RANBP2: variants seen among roughly 807,000 people sequenced by gnomAD.
RANBP2 encodes RAN binding protein 2, also known as E3 SUMO-protein ligase RanBP2.
Under a neutral mutation model 303.6 loss-of-function variants are expected in RANBP2, and 57 were observed. That is an observed-to-expected ratio of 0.19 (90% confidence interval 0.15 to 0.23). The LOEUF is 0.23. RANBP2 is among the 10% of genes least tolerant of loss of function. The pLI is 1.00. For synonymous variants in RANBP2, 1,167 were observed against 1,301.5 expected, an observed-to-expected ratio of 0.90 and a Z score of 2.23; for missense variants, 3,138 against 3,780.8, an observed-to-expected ratio of 0.83 and a Z score of 4.46.
At chr2:109,615,641 G>A in the RANBP2 span, 9 of 1,613,820 alleles carry the variant, frequency 5.6e-6, no homozygotes, top group Non-Finnish European at 7.6e-6. Context: ...ACCTGAGTCG[G>A]AGCATCGCCG....
the RANBP2 span, among the ~76,000 whole-genome samples, chr2:109,515,099 G>C: frequency 2.6e-5 from 4 of 152,206 alleles, no homozygotes; most frequent in African/African-American, 7.2e-5. Context: ...GCTGGGCATA[G>C]GGTTTACCGC....
chr2:108,856,499 G>A, the RANBP2 span, among the ~76,000 whole-genome samples: 3 of 152,220 alleles, frequency 2.0e-5, no homozygotes, highest in African/African-American at 7.2e-5. Context: ...ATAAACATTC[G>A]TGATACTAAT....
chr2:108,846,834 G>A, the RANBP2 span: 2 of 1,613,418 alleles, frequency 1.2e-6, no homozygotes, highest in Non-Finnish European at 1.7e-6. Flanking sequence ...ACAGCATTCT[G>A]TGGAGAATAA....
the RANBP2 span, among the ~76,000 whole-genome samples, chr2:108,823,468 T>G: frequency 6.6e-6 from 1 of 152,222 alleles, no homozygotes; most frequent in African/African-American, 2.4e-5. Flanking sequence ...TATTGTTAGG[T>G]GACTTTTTGT....
At chr2:109,219,138 G>T in the RANBP2 span, among the ~76,000 whole-genome samples, 49,384 of 152,004 alleles carry the variant, frequency 0.32, 9,084 homozygotes, top group East Asian at 0.8. Context: ...CACCTCTCTC[G>T]CTCACACCCC....
At chr2:109,058,142 T>TC in the RANBP2 span, among the ~76,000 whole-genome samples, 1 of 152,166 alleles carries the variant, frequency 6.6e-6, no homozygotes, top group Non-Finnish European at 1.5e-5. Context: ...GCTCGCACTG[T>TC]CCCTGGCAGG....
intron 6 of RANBP2, 113 bp from the exon 7 acceptor site, chr2:108,740,376 A>G (rs1300064351): frequency 1.3e-6 from 2 of 1,488,918 alleles, no homozygotes; most frequent in Non-Finnish European, 1.8e-6. Flanking sequence ...TATTAGTTGA[A>G]TGTGGAAGAT....
the RANBP2 span, chr2:108,804,748 C>A: frequency 1.7e-6 from 1 of 602,066 alleles, no homozygotes; most frequent in Non-Finnish European, 2.6e-6. Flanking sequence ...ACTTGCCACA[C>A]TAGTCACTTG....
At chr2:109,685,985 A>T in the RANBP2 span, among the ~76,000 whole-genome samples, 4 of 152,236 alleles carry the variant, frequency 2.6e-5, no homozygotes, top group African/African-American at 7.2e-5. Flanking sequence ...TGCCTGGAAA[A>T]TTTCACAGAA....
the RANBP2 span, among the ~76,000 whole-genome samples, chr2:109,471,209 A>C: frequency 1.4e-5 from 2 of 139,254 alleles, no homozygotes; most frequent in Non-Finnish European, 3.0e-5. Context: ...TCTGTCTCAA[A>C]AAAAAAAAAA....
chr2:109,045,246 T>C, the RANBP2 span, among the ~76,000 whole-genome samples: 1 of 151,692 alleles, frequency 6.6e-6, no homozygotes, highest in African/African-American at 2.4e-5. Flanking sequence ...TCGGAGGAGG[T>C]AGGTGGAGGG....
the RANBP2 span, among the ~76,000 whole-genome samples, chr2:109,575,850 T>A: frequency 6.6e-6 from 1 of 152,216 alleles, no homozygotes; most frequent in Non-Finnish European, 1.5e-5. Context: ...GACCTTTTAG[T>A]CCTTGAGGAT....
chr2:109,667,809 G>C, the RANBP2 span: 2 of 188,290 alleles, frequency 1.1e-5, no homozygotes, highest in African/African-American at 4.7e-5. Context: ...TCTGAGTACA[G>C]TGTGCAGTCA....
chr2:109,577,160 C>G, the RANBP2 span, among the ~76,000 whole-genome samples: 10 of 152,044 alleles, frequency 6.6e-5, no homozygotes, highest in Non-Finnish European at 1.0e-4. Context: ...AATGATATTT[C>G]CAATGGAAGA....
At chr2:109,316,757 C>T in the RANBP2 span, among the ~76,000 whole-genome samples, 1 of 152,182 alleles carries the variant, frequency 6.6e-6, no homozygotes, top group Non-Finnish European at 1.5e-5. Context: ...TAGAGTTTCA[C>T]ACTCAGTACT....
chr2:109,134,245 C>A, the RANBP2 span, among the ~76,000 whole-genome samples: 1 of 152,188 alleles, frequency 6.6e-6, no homozygotes, highest in African/African-American at 2.4e-5. Flanking sequence ...AGTTAGGATT[C>A]TGTTCCTCCG....
the RANBP2 span, among the ~76,000 whole-genome samples, chr2:109,018,449 A>G: frequency 6.6e-6 from 1 of 152,150 alleles, no homozygotes; most frequent in East Asian, 1.9e-4. Context: ...CCCAATACAA[A>G]TAAGATCCTG....
At chr2:109,391,464 C>T in the RANBP2 span, among the ~76,000 whole-genome samples, 28 of 152,340 alleles carry the variant, frequency 1.8e-4, no homozygotes, top group East Asian at 3.5e-3. Context: ...GCAGGGCCGG[C>T]GGCCTCACAC....
chr2:109,570,013 G>T, the RANBP2 span, among the ~76,000 whole-genome samples: 2 of 151,130 alleles, frequency 1.3e-5, no homozygotes, highest in Non-Finnish European at 3.0e-5. Flanking sequence ...CCCTACACCT[G>T]CCAACTGCCC....
Sources: gnomAD v4.1 joint callset for allele counts (sites outside exome capture counted in the v4.1 genomes callset) on GRCh38, gnomAD v4.1.1 for gene constraint, MANE v1.5 for transcripts, NCBI Gene and HGNC (gene_info 2026-07-23, HGNC 2026-07-21) for gene names.